The following DSG2 variants were observed in gnomAD, a reference collection of about 807,000 sequenced individuals.
DSG2 encodes desmoglein 2.
Under a neutral mutation model 75.6 loss-of-function variants are expected in DSG2, and 45 were observed. That is an observed-to-expected ratio of 0.60 (90% CI 0.47 to 0.76). The LOEUF (loss-of-function observed/expected upper bound fraction) is 0.76. Ranked by LOEUF, DSG2 falls within the 30% of genes least tolerant of loss-of-function variation. DSG2 has a pLI of 0.00. For synonymous variants in DSG2, 429 were observed against 483.9 expected (o/e 0.89, Z 1.49); for missense variants, 1,267 against 1,357.4 (o/e 0.93, Z 1.05).
chr18:31,498,390 G>C, intron 1 of DSG2, 94 bp downstream of exon 1: 1 of 1,212,688 alleles, frequency 8.2e-7, no homozygotes, highest in Non-Finnish European at 1.0e-6. Context: ...CGCCGCCCTT[G>C]TGCGCGTTAC....
At chr18:31,511,483 A>C (rs2073066629) in intron 1 of DSG2, among the ~76,000 whole-genome samples, 1 of 152,238 alleles carries the variant, frequency 6.6e-6, no homozygotes, top group African/African-American at 2.4e-5. Context: ...AACCAGATCC[A>C]AATTATTTAG....
At chr18:31,521,368 AAAGCAGTTCAG>A (rs1287022577) in intron 5 of DSG2, 125 bp downstream of exon 5, 2 of 1,064,784 alleles carry the variant, frequency 1.9e-6, no homozygotes, top group Non-Finnish European at 2.7e-6. Flanking sequence ...AAATGATAAG[AAAGCAGTTCAG>A]AACTGCTTTC....
At chr18:31,542,207 C>A in intron 13 of DSG2, 7 of 402,116 alleles carry the variant, frequency 1.7e-5, no homozygotes, top group South Asian at 1.5e-4. Context: ...GTTAAGAATT[C>A]TGTAACTATA....
intron 6 of DSG2, chr18:31,522,635 T>C (rs919648975): frequency 5.8e-6 from 1 of 173,208 alleles, no homozygotes; most frequent in Non-Finnish European, 1.3e-5. Flanking sequence ...CTTTTTAAAA[T>C]GTGGCTACTA....
intron 8 of DSG2, among the ~76,000 whole-genome samples, chr18:31,530,583 A>G (rs1417338141): frequency 6.6e-6 from 1 of 151,894 alleles, no homozygotes; most frequent in African/African-American, 2.4e-5. Flanking sequence ...ATGCACAGCT[A>G]ATTTTTGTAT....
chr18:31,542,708 C>G lies in DSG2; in HGVS notation c.2190C>G (p.Thr730=). 6.2e-7 allele frequency: 1 copy of G among 1,614,112 alleles called. No homozygotes were observed. Among genetic ancestry groups the G allele is most frequent in the Non-Finnish European group, 8.5e-7 (1 of 1,180,028 alleles). The change falls in exon 14 of 15, where the codon ACC becomes ACG. Residue 730 remains threonine (T), a synonymous_variant. Coordinates refer to ENST00000261590, the MANE Select transcript of DSG2 (RefSeq NM_001943.5). ...GAAGCCTGCTTTCTGGTAGAGCTAC[C>G]CAGTTTACAGGGGCCACAGGCGCTA... The part of the protein sequence containing the change: ...EHRSLLSGRA[T]QFTGATGAIM...
chr18:31,520,544 C>CA (rs970907902), intron 3 of DSG2, among the ~76,000 whole-genome samples: 2 of 152,044 alleles, frequency 1.3e-5, no homozygotes, highest in African/African-American at 4.8e-5. Flanking sequence ...TTTTTCAAGC[C>CA]AAAAATGTAC....
Position 31,499,572 on chromosome 18 carries a change from C to T in DSG2, c.45+1276C>T, listed in dbSNP as rs184267528. ...ATGAAAATTCATTTTGTTGACAAAA[C>T]TTTTCTAAGACGTGATCTGGGACGT... On this transcript the variant is annotated intron_variant, in intron 1 of 14. Coordinates refer to ENST00000261590, the MANE Select transcript of DSG2 (RefSeq NM_001943.5). Among the ~76,000 whole-genome samples the T allele has an allele frequency of 4.6e-5, 7 of 152,246 alleles. No homozygotes were observed. The East Asian group carries it at 5.8e-4, about 13-fold the overall frequency.
At chr18:31,499,960 A>T (rs558548791) in intron 1 of DSG2, among the ~76,000 whole-genome samples, 1 of 146,074 alleles carries the variant, frequency 6.8e-6, no homozygotes, top group Admixed American at 7.0e-5. Context: ...AAATTTGAAT[A>T]TGTTTATTTT....
intron 9 of DSG2, among the ~76,000 whole-genome samples, chr18:31,531,914 G>T (rs1258323793): frequency 6.6e-6 from 1 of 152,188 alleles, no homozygotes; most frequent in Non-Finnish European, 1.5e-5. Flanking sequence ...TTAGATCTCA[G>T]TGCCGTGCCA....
intron 1 of DSG2, among the ~76,000 whole-genome samples, chr18:31,500,164 G>A (rs542856022): frequency 1.3e-5 from 2 of 152,078 alleles, no homozygotes; most frequent in Admixed American, 6.5e-5. Context: ...TGCAAATAAC[G>A]GAATTTACTC....
intron 11 of DSG2, among the ~76,000 whole-genome samples, chr18:31,537,460 AT>A (rs1170282475): frequency 2.0e-5 from 3 of 152,088 alleles, no homozygotes; most frequent in African/African-American, 7.2e-5. Context: ...TCTACTAAAA[AT>A]ACAAAAAATT....
Position 31,524,755 on chromosome 18 carries a change from A to C in DSG2, c.881A>C (p.Lys294Thr), listed in dbSNP as rs1168649465. 6.2e-7 allele frequency: 1 copy of C among 1,614,186 alleles called. No individual in the cohort carries two copies. The highest frequency in any genetic ancestry group is 1.7e-5 in the Admixed American group (1 of 60,030). ...GTCAACGTAGAAGTTACGCGCATAA[A>C]AGTGTTCGATGCAGATGAAATAGGT... ...NQVNVEVTRI[K>T]VFDADEIGSD... is the part of the protein sequence containing the mutation. The change falls in exon 8 of 15, where the codon AAA becomes ACA. Residue 294 changes from lysine (K) to threonine (T), a missense_variant. Transcript: ENST00000261590.
At position 31,542,833 on chromosome 18, in the gene DSG2, T is replaced by G. The variant is rs794728097; in HGVS notation, c.2315T>G (p.Leu772Ter). ...GCTGTTGCACTGAACGAAGAATTCT[T>G]AAGAAATTATTTCACTGATGTAAGG... ...AAAVALNEEF[L>*]RNYFTDKAAS... Residue 772 changes from leucine (L) to a stop codon, truncating the protein, a stop_gained, in exon 14 of 15, where the codon TTA becomes TGA. Coordinates refer to ENST00000261590, the MANE Select transcript of DSG2 (RefSeq NM_001943.5). LOFTEE classifies it low-confidence loss of function (END_TRUNC). The G allele has an allele frequency of 4.1e-6, 6 of 1,469,556 alleles. No individual in the cohort carries two copies. The highest frequency in any genetic ancestry group is 9.0e-7 in the Non-Finnish European group (1 of 1,106,642). 91.0% of individuals were successfully genotyped at this position (1,469,556 alleles called of 1,614,324 possible). A position where few individuals can be genotyped will look rare whatever the true frequency, so the allele number is the denominator to read the frequency against.
intron 14 of DSG2, among the ~76,000 whole-genome samples, chr18:31,543,965 G>A (rs2073287502): frequency 6.6e-6 from 1 of 151,786 alleles, no homozygotes; most frequent in Admixed American, 6.6e-5. Flanking sequence ...TGAAAAATGA[G>A]TCAGTTCATC....
intron 2 of DSG2, 32 bp from the exon 3 acceptor site, chr18:31,519,771 T>G (rs1158328927): frequency 1.2e-6 from 2 of 1,605,472 alleles, no homozygotes; most frequent in Admixed American, 1.7e-5. Context: ...TTATGACACA[T>G]AATAAATTTT....
At chr18:31,527,941 G>C (rs1291357763) in intron 8 of DSG2, among the ~76,000 whole-genome samples, 1 of 152,148 alleles carries the variant, frequency 6.6e-6, no homozygotes, top group Non-Finnish European at 1.5e-5. Context: ...TTTTGAAAGA[G>C]CATTGATCCC....
In DSG2 at chr18:31,536,335, C is replaced by T. The variant is rs1256906254; in HGVS notation, c.1557C>T (p.Asp519=). The T allele has an allele frequency of 6.2e-7, 1 of 1,614,184 alleles. No homozygotes were observed. ...AGTATGTGAATGTTACTGCAGAGGA[C>T]CTGGATGGACACCCAAACAGTGGCC... is the stretch of plus-strand genomic sequence containing the variant. ...DAEYVNVTAE[D]LDGHPNSGPF... The change falls in exon 11 of 15, where the codon GAC becomes GAT. Residue 519 remains aspartate, a synonymous_variant. Coordinates refer to ENST00000261590, the MANE Select transcript of DSG2 (RefSeq NM_001943.5).
intron 8 of DSG2, among the ~76,000 whole-genome samples, chr18:31,525,900 T>C (rs1310671742): frequency 2.0e-5 from 3 of 152,032 alleles, no homozygotes; most frequent in African/African-American, 7.2e-5. Flanking sequence ...CCCAGCACTT[T>C]GGGAGGCCGA....
Sources: allele counts gnomAD v4.1 joint callset (sites outside exome capture counted in the v4.1 genomes callset), GRCh38; gene constraint gnomAD v4.1.1; transcripts MANE v1.5; gene names NCBI Gene and HGNC (gene_info 2026-07-23, HGNC 2026-07-21).